The following EPS15 variants were observed in gnomAD, a reference collection of about 807,000 sequenced individuals.
EPS15 encodes epidermal growth factor receptor substrate 15.
A neutral mutation model predicts 113.8 loss-of-function variants in EPS15; 72 were observed. The observed-to-expected ratio is 0.63, with a 90% CI of 0.52 to 0.77. EPS15 has a LOEUF of 0.77. Ranked by LOEUF, EPS15 falls within the 30% of genes least tolerant of loss-of-function variation. The pLI, the probability that EPS15 is intolerant of heterozygous loss-of-function variation, is 0.00. For synonymous variants in EPS15, 344 were observed against 363.4 expected (o/e 0.95, Z 0.61); for missense variants, 1,048 against 1,045.8 (o/e 1.00, Z -0.03).
intron 17 of EPS15, among the ~76,000 whole-genome samples, chr1:51,403,172 G>A (rs1648748570): frequency 6.6e-6 from 1 of 151,948 alleles, no homozygotes; most frequent in African/African-American, 2.4e-5. Context: ...TGAGTAGCTG[G>A]GACTACAGGC....
chr1:51,411,913 T>C (rs1378433613), intron 13 of EPS15, among the ~76,000 whole-genome samples: 1 of 152,208 alleles, frequency 6.6e-6, no homozygotes, highest in Non-Finnish European at 1.5e-5. Context: ...CACACGTATG[T>C]TTATTGCAGC....
chr1:51,469,355 T>C lies in EPS15; in HGVS notation c.214-787A>G, dbSNP rs978449100. Among the ~76,000 whole-genome samples, 76 of 152,198 alleles carry C rather than the reference T, an allele frequency of 5.0e-4. 4 individuals carry two copies. Among genetic ancestry groups the C allele is most frequent in the Non-Finnish European group, 1.5e-5 (1 of 68,036 alleles). ...TTCCAGAAAAACTACAGAAAATAAC[T>C]GTGCAACATCAAAAAAAATTATGTA... On this transcript the variant is annotated intron_variant, in intron 4 of 24. Transcript: ENST00000371733.
At chr1:51,471,539 G>A (rs1382868888) in intron 4 of EPS15, 151 bp downstream of exon 4, 7 of 633,286 alleles carry the variant, frequency 1.1e-5, no homozygotes, top group Non-Finnish European at 1.4e-5. Flanking sequence ...AACATCTAGT[G>A]ATTGGAAATA....
At chr1:51,379,879 C>T (rs144073318) in intron 21 of EPS15, among the ~76,000 whole-genome samples, 3,193 of 151,846 alleles carry the variant, frequency 0.021, 51 homozygotes, top group Non-Finnish European at 0.031. Flanking sequence ...CTGGCAAACA[C>T]GGTGAGACTC....
intron 21 of EPS15, among the ~76,000 whole-genome samples, chr1:51,386,461 G>A (rs1222650895): frequency 3.9e-5 from 6 of 152,180 alleles, no homozygotes; most frequent in South Asian, 2.1e-4. Context: ...CAGCATTTGC[G>A]GTTCAAGAAA....
intron 20 of EPS15, 72 bp from the exon 21 acceptor site, chr1:51,394,519 A>G: frequency 1.2e-6 from 1 of 828,098 alleles, no homozygotes; most frequent in Non-Finnish European, 1.9e-6. Context: ...ACCACTCCAA[A>G]GAATATATTC....
At chr1:51,458,704 T>C in intron 8 of EPS15, 1 of 274,536 alleles carries the variant, frequency 3.6e-6, no homozygotes, top group Non-Finnish European at 7.5e-6. Context: ...GCCACTGCAC[T>C]CCAGCCTGAG....
intron 8 of EPS15, among the ~76,000 whole-genome samples, chr1:51,460,720 G>A (rs764557950): frequency 6.6e-6 from 1 of 152,130 alleles, no homozygotes; most frequent in Non-Finnish European, 1.5e-5. Context: ...TTGGGAGGCT[G>A]AGGTGGGCAG....
chr1:51,436,277 T>C (rs554963709), intron 12 of EPS15, among the ~76,000 whole-genome samples: 2 of 152,082 alleles, frequency 1.3e-5, no homozygotes, highest in East Asian at 3.9e-4. Context: ...GGGATCTGAG[T>C]TGTATTTTAT....
intron 21 of EPS15, among the ~76,000 whole-genome samples, chr1:51,367,950 G>A (rs180885858): frequency 0.021 from 3,198 of 152,184 alleles, 52 homozygotes; most frequent in Non-Finnish European, 0.031. Context: ...TGGCCAACAC[G>A]GTGAAACCCC....
chr1:51,405,539 A>T (rs895419257), intron 16 of EPS15, among the ~76,000 whole-genome samples: 15 of 152,220 alleles, frequency 9.9e-5, no homozygotes, highest in African/African-American at 3.6e-4. Context: ...TCTACTAAAA[A>T]TACAAAAAAT....
At chr1:51,418,687 G>A (rs1039110254) in intron 13 of EPS15, among the ~76,000 whole-genome samples, 3 of 151,986 alleles carry the variant, frequency 2.0e-5, no homozygotes, top group African/African-American at 4.8e-5. Flanking sequence ...TGTAGGGTGC[G>A]GAATAATACA....
intron 12 of EPS15, among the ~76,000 whole-genome samples, chr1:51,435,754 A>C (rs757989779): frequency 1.3e-5 from 2 of 152,210 alleles, no homozygotes; most frequent in Non-Finnish European, 2.9e-5. Flanking sequence ...TTAAAAATTT[A>C]CCAAAAAAGC....
At chr1:51,422,049 A>G (rs769622951) in intron 12 of EPS15, 191 bp from the exon 13 acceptor site, 7 of 1,245,870 alleles carry the variant, frequency 5.6e-6, no homozygotes, top group Non-Finnish European at 7.1e-6. Flanking sequence ...CCATTTGTAA[A>G]AAAAAAATTG....
Position 51,408,222 on chromosome 1 carries a change from T to C in EPS15, c.1386A>G (p.Ala462=). ...CTGACTCTACACTCTCCTCCAATTC[T>C]GCTGTTTCTTGCTGTAGACGGCTCA... ...EELSRLQQET[A]ELEESVESGK... is the part of the protein sequence containing the mutation. Residue 462 remains alanine (A), a synonymous_variant, in exon 15 of 25, where the codon GCA becomes GCG. Coordinates refer to ENST00000371733, the MANE Select transcript of EPS15 (RefSeq NM_001981.3). The C allele has an allele frequency of 2.5e-6, 4 of 1,614,110 alleles. No homozygotes were observed. The highest frequency in any genetic ancestry group is 3.4e-6 in the Non-Finnish European group (4 of 1,179,938).
chr1:51,509,029 G>A (rs1644572518), intron 1 of EPS15, among the ~76,000 whole-genome samples: 1 of 152,118 alleles, frequency 6.6e-6, no homozygotes, highest in Admixed American at 6.6e-5. Flanking sequence ...GCACCCCCTT[G>A]CCTTACTTCT....
At chr1:51,427,861 A>G (rs976093831) in intron 12 of EPS15, among the ~76,000 whole-genome samples, 1 of 152,218 alleles carries the variant, frequency 6.6e-6, no homozygotes, top group Non-Finnish European at 1.5e-5. Flanking sequence ...ATTTGATAAA[A>G]TATCTGCATC....
chr1:51,478,422 G>C (rs1212305407), intron 2 of EPS15, among the ~76,000 whole-genome samples: 1 of 152,030 alleles, frequency 6.6e-6, no homozygotes, highest in Non-Finnish European at 1.5e-5. Context: ...TTGCCAGTCT[G>C]TGTCTTTTAA....
rs375160511 is a variant in EPS15 at position 51,434,917 on chromosome 1, C to T, written c.1040+5430G>A. On this transcript the variant is annotated intron_variant, in intron 12 of 24. Transcript: ENST00000371733. ...GAACTCCTGACCTGAGGTGATTCAC[C>T]CATCTCAGCCTCCCAAAGTGCTGGG... 7.2e-5 allele frequency among the ~76,000 whole-genome samples: 11 copies of T among 152,026 alleles called. No homozygotes were observed. The East Asian group carries it at 1.9e-3, about 27-fold the overall frequency.
Sources: allele counts gnomAD v4.1 joint callset (sites outside exome capture counted in the v4.1 genomes callset), GRCh38; gene constraint gnomAD v4.1.1; transcripts MANE v1.5; gene names NCBI Gene and HGNC (gene_info 2026-07-23, HGNC 2026-07-21).